The following DRC1 variants were observed in gnomAD, a reference collection of about 807,000 sequenced individuals.
DRC1 encodes dynein regulatory complex subunit 1.
DRC1 carries 74 observed loss-of-function variants against 98.7 expected under a neutral mutation model. That is an observed-to-expected ratio of 0.75 (90% CI 0.62 to 0.91). DRC1 has a LOEUF of 0.91. Among genes scored for constraint, DRC1 ranks in the 40% least tolerant of loss-of-function variants. The pLI, the probability that DRC1 is intolerant of heterozygous loss-of-function variation, is 0.00. For missense variants in DRC1, 875 were observed against 886.0 expected (o/e 0.99, Z 0.16); for synonymous variants, 336 against 334.1 (o/e 1.01, Z -0.06).
intron 5 of DRC1, chr2:26,430,479 C>T (rs1366353954): frequency 5.9e-6 from 3 of 509,696 alleles, no homozygotes; most frequent in Non-Finnish European, 1.2e-5. Context: ...CACACCATGG[C>T]CTGCCGTGTG....
Position 26,429,772 on chromosome 2 carries a change from G to T in DRC1, c.678+7G>T. The T allele has an allele frequency of 1.9e-6, 3 of 1,613,774 alleles. No individual in the cohort carries two copies. The highest frequency in any genetic ancestry group is 2.5e-6 in the Non-Finnish European group (3 of 1,179,794). On this transcript the variant is annotated splice_region_variant and intron_variant, in intron 5 of 16. Coordinates refer to ENST00000288710, the MANE Select transcript of DRC1 (RefSeq NM_145038.5). ...GGAGCTCTATAACATTGAGGTAACA[G>T]GGTGTGAAAAGACCTGGTTTCTGCT...
At chr2:26,440,649 G>T in intron 8 of DRC1, 132 bp downstream of exon 8, 1 of 1,216,422 alleles carries the variant, frequency 8.2e-7, no homozygotes. Flanking sequence ...TAGTTTTTTG[G>T]AAAAGTTAAT....
chr2:26,432,263 G>A (rs538149113), intron 7 of DRC1, among the ~76,000 whole-genome samples: 10 of 152,270 alleles, frequency 6.6e-5, no homozygotes, highest in African/African-American at 2.4e-4. Context: ...TTGGGAGGCC[G>A]AGGCATGAGG....
At chr2:26,432,523 TA>T (rs1663461491) in intron 7 of DRC1, among the ~76,000 whole-genome samples, 1 of 103,484 alleles carries the variant, frequency 9.7e-6, no homozygotes, top group African/African-American at 3.8e-5. Flanking sequence ...AGAGAGAAAG[TA>T]AGAGAGAAAA....
intron 10 of DRC1, 141 bp downstream of exon 10, chr2:26,445,089 T>C: frequency 1.1e-6 from 1 of 934,770 alleles, no homozygotes; most frequent in South Asian, 1.8e-5. Flanking sequence ...TCCTCTAATT[T>C]ATAGCTTTGC....
rs537587544 is a variant in DRC1 at position 26,454,376 on chromosome 2, G to A, written c.1920-271G>A. ...TGTTGGTGCAAGAGATGGGCACAGT[G>A]ATGAGCTGTAAAGCCAGTGAGGTAA... On this transcript the variant is annotated intron_variant, in intron 14 of 16. Coordinates refer to ENST00000288710, the MANE Select transcript of DRC1 (RefSeq NM_145038.5). This position sits in a 1 kb window ranked among gnomAD's most constrained non-coding sequence, Gnocchi z 5.2. Among the ~76,000 whole-genome samples the A allele has an allele frequency of 6.5e-4, 99 of 152,306 alleles. No homozygotes were observed. The highest frequency in any genetic ancestry group is 2.3e-3 in the African/African-American group (94 of 41,568).
intron 1 of DRC1, among the ~76,000 whole-genome samples, chr2:26,412,593 C>G (rs893738771): frequency 2.0e-5 from 3 of 152,092 alleles, no homozygotes; most frequent in Non-Finnish European, 2.9e-5. Flanking sequence ...CCTTTAGTCT[C>G]ATTTTCTGAT....
Position 26,456,562 on chromosome 2 carries a change from GT to G in DRC1, c.*46del, listed in dbSNP as rs760911715. The G allele has an allele frequency of 1.6e-5, 26 of 1,611,282 alleles. No individual in the cohort carries two copies. The East Asian group carries it at 5.8e-4, about 36-fold the overall frequency. Reference sequence around the variant, plus strand: ...ATGTGTTAGGGCTGGCCTGATGCTGGTGTCTGTGCCGGAGCCAGCTCATATC... The same window carrying G: ...ATGTGTTAGGGCTGGCCTGATGCTGGGTCTGTGCCGGAGCCAGCTCATATC... On this transcript the variant is annotated 3_prime_UTR_variant, in exon 17 of 17. Coordinates refer to ENST00000288710, the MANE Select transcript of DRC1 (RefSeq NM_145038.5).
chr2:26,428,997 T>C (rs1382094578), intron 4 of DRC1, among the ~76,000 whole-genome samples: 1 of 152,072 alleles, frequency 6.6e-6, no homozygotes, highest in Non-Finnish European at 1.5e-5. Context: ...CATTAATTGC[T>C]CAGCTAGGAC....
At chr2:26,450,827 C>T (rs1663986177) in intron 13 of DRC1, 146 bp downstream of exon 13, 5 of 503,256 alleles carry the variant, frequency 9.9e-6, no homozygotes, top group Non-Finnish European at 1.5e-5. Context: ...TTTGCTGCAC[C>T]CATCAACCCA....
intron 1 of DRC1, among the ~76,000 whole-genome samples, chr2:26,402,552 C>T (rs1678281904): frequency 6.6e-6 from 1 of 152,194 alleles, no homozygotes; most frequent in African/African-American, 2.4e-5. Flanking sequence ...TTCCAGGCAC[C>T]ACTCAAAGCT....
chr2:26,446,094 ATTTTT>A (rs35251803), intron 10 of DRC1, among the ~76,000 whole-genome samples: 1 of 83,006 alleles, frequency 1.2e-5, no homozygotes, highest in African/African-American at 3.9e-5. Flanking sequence ...CAAATAGGGA[ATTTTT>A]TTTTTTTTTT....
chr2:26,410,433 G>A (rs1048904703), intron 1 of DRC1, among the ~76,000 whole-genome samples: 3 of 151,544 alleles, frequency 2.0e-5, no homozygotes, highest in African/African-American at 4.8e-5. Context: ...CACTATGCCC[G>A]GCTAATTTTT....
chr2:26,421,365 C>T lies in DRC1; in HGVS notation c.321C>T (p.His107=). 3.1e-6 allele frequency: 5 copies of T among 1,613,520 alleles called. No homozygotes were observed. The highest frequency in any genetic ancestry group is 4.2e-6 in the Non-Finnish European group (5 of 1,179,676). The change falls in exon 3 of 17, where the codon CAC becomes CAT. Residue 107 remains histidine (H), a synonymous_variant. Coordinates refer to ENST00000288710, the MANE Select transcript of DRC1 (RefSeq NM_145038.5). ...TGGCTATAGATATCAGAGAGATTCACAGGAGAGTCGAAGAAGAGGAGATAA... is the reference window on the plus strand; with the variant it reads ...TGGCTATAGATATCAGAGAGATTCATAGGAGAGTCGAAGAAGAGGAGATAA... ...IQVAIDIREI[H]RRVEEEEIKR... is the part of the protein sequence containing the mutation.
rs185098173 is a variant in DRC1 at position 26,445,948 on chromosome 2, A to G, written c.1396+1000A>G. 3.2e-3 allele frequency among the ~76,000 whole-genome samples: 490 copies of G among 152,062 alleles called. 3 individuals carry two copies. Among genetic ancestry groups the G allele is most frequent in the African/African-American group, 0.011 (466 of 41,478 alleles). ...GCTGGAATTACAAGTGTGAGCCACC[A>G]CGCTTGGCTAGCCCTAGTAGTTTTT... On this transcript the variant is annotated intron_variant, in intron 10 of 16. Transcript: ENST00000288710.
chr2:26,448,267 C>T, intron 10 of DRC1: 1 of 442,074 alleles, frequency 2.3e-6, no homozygotes. Context: ...GCAAAGCCAC[C>T]TGCCCCTGCT....
At chr2:26,433,494 C>G (rs1301246883) in intron 7 of DRC1, among the ~76,000 whole-genome samples, 1 of 152,182 alleles carries the variant, frequency 6.6e-6, no homozygotes, top group Non-Finnish European at 1.5e-5. Flanking sequence ...TACAATAGCA[C>G]TATTTCTGTG....
At chr2:26,438,185 AAGT>A (rs758943499) in intron 7 of DRC1, among the ~76,000 whole-genome samples, 2 of 152,120 alleles carry the variant, frequency 1.3e-5, no homozygotes, top group African/African-American at 2.4e-5. Context: ...TGAGGGAGGA[AAGT>A]AGGATATAAA....
chr2:26,449,274 TGGTTCAGCTGGA>T (rs1408526826), intron 11 of DRC1, among the ~76,000 whole-genome samples: 1 of 152,258 alleles, frequency 6.6e-6, no homozygotes, highest in Non-Finnish European at 1.5e-5. Context: ...TGCATTGAGC[TGGTTCAGCTGGA>T]GGTTGGGTTG....
Sources: allele counts gnomAD v4.1 joint callset (sites outside exome capture counted in the v4.1 genomes callset), GRCh38; gene constraint gnomAD v4.1.1; non-coding constraint Gnocchi (gnomAD v3.1); transcripts MANE v1.5; gene names NCBI Gene and HGNC (gene_info 2026-07-23, HGNC 2026-07-21).